URB2: variants seen among roughly 807,000 people sequenced by gnomAD.
The protein encoded by URB2 is unhealthy ribosome biogenesis protein 2 homolog.
A neutral mutation model predicts 120.9 loss-of-function variants in URB2; 86 were observed. That is an observed-to-expected ratio of 0.71 (90% confidence interval 0.60 to 0.85). URB2 has a LOEUF of 0.85. Among genes scored for constraint, URB2 ranks in the 40% least tolerant of loss-of-function variants. URB2 has a pLI of 0.00. For synonymous variants in URB2, 755 were observed against 758.4 expected (o/e 1.00, Z 0.07); for missense variants, 1,765 against 1,836.5 (o/e 0.96, Z 0.71).
intron 3 of URB2, among the ~76,000 whole-genome samples, chr1:229,633,859 A>G (rs1665728129): frequency 6.6e-6 from 1 of 151,944 alleles, no homozygotes; most frequent in Non-Finnish European, 1.5e-5. Flanking sequence ...TTTTTGAGAT[A>G]GAGTCTCTGT....
rs1288676898 is a variant in URB2 at position 229,655,238 on chromosome 1, T to C, written c.4377+850T>C. Among the ~76,000 whole-genome samples, 6 of 152,340 alleles carry C rather than the reference T, an allele frequency of 3.9e-5. 1 individual carries two copies. The East Asian group carries it at 5.8e-4, about 15-fold the overall frequency. On this transcript the variant is annotated intron_variant, in intron 9 of 9. Transcript: ENST00000258243. Reference sequence around the variant, plus strand: ...TGGATAATTCACTATTCAACAGTTATCTTTTTTCTTTTTGAGATGGAGTTT... The same window carrying C: ...TGGATAATTCACTATTCAACAGTTACCTTTTTTCTTTTTGAGATGGAGTTT...
At chr1:229,657,688 C>T (rs1666438246) in intron 9 of URB2, among the ~76,000 whole-genome samples, 1 of 152,122 alleles carries the variant, frequency 6.6e-6, no homozygotes, top group African/African-American at 2.4e-5. Flanking sequence ...CGCCATTCTA[C>T]CTTCGGTCCT....
chr1:229,632,497 T>C, intron 3 of URB2, 52 bp downstream of exon 3: 1 of 1,445,616 alleles, frequency 6.9e-7, no homozygotes. Flanking sequence ...ATTGATTTCT[T>C]GTTAATGCTG....
In URB2 at chr1:229,634,555, C is replaced by T. The variant is rs1162813825; in HGVS notation, c.304-362C>T. 2.0e-5 allele frequency among the ~76,000 whole-genome samples: 3 copies of T among 152,182 alleles called. No homozygotes were observed. The East Asian group carries it at 5.8e-4, about 29-fold the overall frequency. ...GATCATAATTTAAGTGCAACTTTCCCTCTGCCTGGTAACATCTAAGCTCAA... is the reference window on the plus strand; with the variant it reads ...GATCATAATTTAAGTGCAACTTTCCTTCTGCCTGGTAACATCTAAGCTCAA... On this transcript the variant is annotated intron_variant, in intron 3 of 9. Coordinates refer to ENST00000258243, the MANE Select transcript of URB2 (RefSeq NM_014777.4).
At position 229,636,572 on chromosome 1, in the gene URB2, A is replaced by C. The variant is rs770387367; in HGVS notation, c.1959A>C (p.Thr653=). 9 of 1,614,048 alleles carry C rather than the reference A, an allele frequency of 5.6e-6. No individual in the cohort carries two copies. The Admixed American group carries it at 1.5e-4, about 27-fold the overall frequency. Residue 653 remains threonine (T), a synonymous_variant, in exon 4 of 10, where the codon ACA becomes ACC. Transcript: ENST00000258243. The stretch of plus-strand genomic sequence containing the variant: ...CTTCGTTGCTCCCAGGTGTAAAAAC[A>C]CAGCATTGGAAGAAGATAGAGAAGT... ...NLPSLLPGVK[T]QHWKKIEKFT...
rs1028285002 is a variant in URB2, at chr1:229,637,042, C to T, written c.2429C>T (p.Ala810Val). The change falls in exon 4 of 10, where the codon GCT (alanine) becomes GTT (valine). Residue 810 changes from alanine (A) to valine (V), a missense_variant. Ala to Val is a moderately conservative substitution (Grantham distance 64, BLOSUM62 0). Coordinates refer to ENST00000258243, the MANE Select transcript of URB2 (RefSeq NM_014777.4). ...LFPEMQSLHS[A>V]FLTCVTTSCS... ...CCAGAGATGCAGTCCCTTCATTCTG[C>T]TTTCTTAACGTGCGTAACCACAAGT... is the stretch of plus-strand genomic sequence containing the variant. 2 of 1,614,064 alleles carry T rather than the reference C, an allele frequency of 1.2e-6. No individual in the cohort carries two copies. Among genetic ancestry groups the T allele is most frequent in the Non-Finnish European group, 1.7e-6 (2 of 1,180,030 alleles).
Position 229,647,679 on chromosome 1 carries a change from A to G in URB2, c.4076A>G (p.Lys1359Arg). ...ILLTVPLDHL[K>R]PLEYGSVFPR... is the part of the protein sequence containing the mutation. ...CTCACTGTCCCTTTGGACCATCTGA[A>G]GCCGCTGGAGTATGGAAGCGTCTTC... The change falls in exon 7 of 10, where the codon AAG becomes AGG. Residue 1359 changes from lysine to arginine, a missense_variant. By Grantham distance (26) the Lys-to-Arg change is conservative (BLOSUM62 2). Transcript: ENST00000258243. 1.2e-6 allele frequency: 2 copies of G among 1,614,094 alleles called. No individual in the cohort carries two copies. Among genetic ancestry groups the G allele is most frequent in the Admixed American group, 3.3e-5 (2 of 60,012 alleles).
chr1:229,637,047 T>G lies in URB2; in HGVS notation c.2434T>G (p.Leu812Val), dbSNP rs372149013. 6.2e-7 allele frequency: 1 copy of G among 1,614,076 alleles called. No homozygotes were observed. The highest frequency in any genetic ancestry group is 1.1e-5 in the South Asian group (1 of 91,088). The change falls in exon 4 of 10, where the codon TTA (leucine) becomes GTA (valine). Residue 812 changes from leucine to valine, a missense_variant. Leu to Val is a conservative substitution (Grantham distance 32, BLOSUM62 1). Transcript: ENST00000258243. ...GATGCAGTCCCTTCATTCTGCTTTC[T>G]TAACGTGCGTAACCACAAGTTGCTC... is the stretch of plus-strand genomic sequence containing the variant. ...PEMQSLHSAF[L>V]TCVTTSCSSI... is the part of the protein sequence containing the mutation.
rs755526444 is a variant in URB2, at chr1:229,635,246, A to G, written c.633A>G (p.Leu211=). ...AGCCGTGCCTGGTCCTGAGGCACTT[A>G]CTCTCTGGGGGCACATGGACGCAGG... is the stretch of plus-strand genomic sequence containing the variant. ...LLQPCLVLRH[L]LSGGTWTQAG... Residue 211 remains leucine, a synonymous_variant, in exon 4 of 10, where the codon TTA becomes TTG. Transcript: ENST00000258243. 5.0e-6 allele frequency: 8 copies of G among 1,613,940 alleles called. No homozygotes were observed. The highest frequency in any genetic ancestry group is 6.8e-6 in the Non-Finnish European group (8 of 1,180,022).
At chr1:229,638,425 C>T (rs959888623) in intron 4 of URB2, among the ~76,000 whole-genome samples, 178 bp downstream of exon 4, 2 of 151,882 alleles carry the variant, frequency 1.3e-5, no homozygotes, top group East Asian at 3.9e-4. Flanking sequence ...GCGGGCGGAT[C>T]ACAAGGCCAG....
intron 4 of URB2, among the ~76,000 whole-genome samples, chr1:229,642,026 A>G (rs576252775): frequency 6.6e-6 from 1 of 152,300 alleles, no homozygotes; most frequent in African/African-American, 2.4e-5. Flanking sequence ...CATAAAAAAA[A>G]CCAATTAAAA....
Position 229,637,968 on chromosome 1 carries a change from T to A in URB2, c.3355T>A (p.Ser1119Thr). The change falls in exon 4 of 10, where the codon TCC becomes ACC. Residue 1119 changes from serine to threonine, a missense_variant. Ser to Thr is a moderately conservative substitution (Grantham distance 58). Coordinates refer to ENST00000258243, the MANE Select transcript of URB2 (RefSeq NM_014777.4). ...GCGCCTTCCCTCGGTCCTCATCTCA[T>A]CCGTCAGCACGCTCTTGGAAGCCGA... ...GWRLPSVLIS[S>T]VSTLLEADLG... The A allele has an allele frequency of 6.2e-7, 1 of 1,613,758 alleles. No homozygotes were observed. The highest frequency in any genetic ancestry group is 8.5e-7 in the Non-Finnish European group (1 of 1,179,866).
intron 9 of URB2, among the ~76,000 whole-genome samples, chr1:229,658,729 G>C (rs1428584755): frequency 6.6e-6 from 1 of 152,126 alleles, no homozygotes; most frequent in African/African-American, 2.4e-5. Context: ...TTGACACAAT[G>C]GGCAGGCAGC....
intron 3 of URB2, among the ~76,000 whole-genome samples, chr1:229,634,601 A>G (rs1665744762): frequency 6.6e-6 from 1 of 152,190 alleles, no homozygotes; most frequent in Admixed American, 6.5e-5. Flanking sequence ...AGGATCTAAG[A>G]GAAAGTGACA....
At chr1:229,627,809 C>A (rs770780045) in intron 2 of URB2, 50 bp downstream of exon 2, 4 of 1,539,870 alleles carry the variant, frequency 2.6e-6, no homozygotes, top group African/African-American at 2.8e-5. Context: ...AGATAATTAT[C>A]ACTTTTATAA....
rs766418966 is a variant in URB2 at position 229,637,929 on chromosome 1, G to C, written c.3316G>C (p.Gly1106Arg). Residue 1106 changes from glycine to arginine, a missense_variant, in exon 4 of 10, where the codon GGG becomes CGG. Gly to Arg is a moderately radical substitution (Grantham distance 125). Transcript: ENST00000258243. Reference sequence around the variant, plus strand: ...TGTGCTGCAGCTCTGCTCAGTGCCGGGGGCCCGGGGCTGGCGCCTTCCCTC... The same window carrying C: ...TGTGCTGCAGCTCTGCTCAGTGCCGCGGGCCCGGGGCTGGCGCCTTCCCTC... The part of the protein sequence containing the change: ...GAVLQLCSVP[G>R]ARGWRLPSVL... 6.8e-6 allele frequency: 11 copies of C among 1,612,396 alleles called. No individual in the cohort carries two copies. The highest frequency in any genetic ancestry group is 1.6e-4 in the Middle Eastern group (1 of 6,072).
Position 229,643,690 on chromosome 1 carries a change from G to A in URB2, c.3792G>A (p.Val1264=), listed in dbSNP as rs1571877081. 2 of 1,611,012 alleles carry A rather than the reference G, an allele frequency of 1.2e-6. No individual in the cohort carries two copies. The highest frequency in any genetic ancestry group is 1.3e-5 in the African/African-American group (1 of 74,802). Reference sequence around the variant, plus strand: ...TCAGTAACATGTGGAAAGCAGATGTGCAGGTGGGTGCCTTCTCCCTCCTTG... The same window carrying A: ...TCAGTAACATGTGGAAAGCAGATGTACAGGTGGGTGCCTTCTCCCTCCTTG... ...LDVSNMWKAD[V]QAVVSAVTLL... The change falls in exon 5 of 10, where the codon GTG becomes GTA. Residue 1264 remains valine (V), a synonymous_variant. Transcript: ENST00000258243.
At chr1:229,630,905 C>T (rs1183340182) in intron 2 of URB2, among the ~76,000 whole-genome samples, 1 of 143,480 alleles carries the variant, frequency 7.0e-6, no homozygotes, top group African/African-American at 2.6e-5. Flanking sequence ...TCGCTTAAAC[C>T]TGGGAGGTGG....
intron 9 of URB2, among the ~76,000 whole-genome samples, chr1:229,657,664 A>G (rs6693601): frequency 0.011 from 1,699 of 152,346 alleles, 29 homozygotes; most frequent in African/African-American, 0.039. Flanking sequence ...ACCTTGCTGT[A>G]AAATTCACAG....
Sources: gnomAD v4.1 joint callset for allele counts (sites outside exome capture counted in the v4.1 genomes callset) on GRCh38, gnomAD v4.1.1 for gene constraint, MANE v1.5 for transcripts, NCBI Gene and HGNC (gene_info 2026-07-23, HGNC 2026-07-21) for gene names.